DYNC1I1: variants seen among roughly 807,000 people sequenced by gnomAD.
DYNC1I1 encodes dynein cytoplasmic 1 intermediate chain 1, also known as cytoplasmic dynein 1 intermediate chain 1.
In DYNC1I1, 43 loss-of-function variants were observed where a neutral mutation model predicts 86.6. That is an observed-to-expected ratio of 0.50 (90% CI 0.39 to 0.64). The LOEUF (loss-of-function observed/expected upper bound fraction) is 0.64. Among genes scored for constraint, DYNC1I1 ranks in the 30% least tolerant of loss-of-function variants. The pLI is 0.00. For synonymous variants in DYNC1I1, 262 were observed against 283.7 expected (o/e 0.92, Z 0.77); for missense variants, 604 against 788.8 (o/e 0.77, Z 2.81).
At chr7:95,934,876 G>T (rs2116422038) in intron 6 of DYNC1I1, among the ~76,000 whole-genome samples, 1 of 151,572 alleles carries the variant, frequency 6.6e-6, no homozygotes, top group East Asian at 1.9e-4. Context: ...ATGACTTGTA[G>T]CATCTCAAAG....
intron 14 of DYNC1I1, among the ~76,000 whole-genome samples, chr7:96,061,694 C>CCT (rs1233157649): frequency 2.5e-4 from 35 of 138,762 alleles, no homozygotes; most frequent in South Asian, 1.8e-3. Flanking sequence ...TCCCTCCCTC[C>CCT]CTCTCTCTCT....
At chr7:95,911,482 A>G (rs1012002624) in intron 6 of DYNC1I1, among the ~76,000 whole-genome samples, 2 of 152,138 alleles carry the variant, frequency 1.3e-5, no homozygotes, top group African/African-American at 4.8e-5. Context: ...AGAAGAAGGA[A>G]AGCAAGGAGG....
chr7:96,085,229 C>T (rs1054771777), intron 16 of DYNC1I1, among the ~76,000 whole-genome samples: 4 of 152,156 alleles, frequency 2.6e-5, no homozygotes, highest in Admixed American at 1.3e-4. Context: ...TCCTCTATGA[C>T]TTTTAAGATG....
chr7:95,807,063 C>A (rs1794717702), intron 2 of DYNC1I1, among the ~76,000 whole-genome samples: 1 of 152,066 alleles, frequency 6.6e-6, no homozygotes, highest in Non-Finnish European at 1.5e-5. Context: ...TAGAAGATCC[C>A]AGAGCAGTAA....
intron 6 of DYNC1I1, among the ~76,000 whole-genome samples, chr7:95,924,867 A>C (rs1791701633): frequency 6.6e-6 from 1 of 152,186 alleles, no homozygotes; most frequent in African/African-American, 2.4e-5. Context: ...CCTAGTCAAA[A>C]GTGGGCTCTC....
chr7:95,776,418 A>G (rs1003793687), intron 1 of DYNC1I1, among the ~76,000 whole-genome samples: 1 of 152,190 alleles, frequency 6.6e-6, no homozygotes, highest in Non-Finnish European at 1.5e-5. Context: ...ACCCATAGAT[A>G]CTGTAAAAGG....
Position 96,098,002 on chromosome 7 carries a change from G to A in DYNC1I1, c.*409G>A, listed in dbSNP as rs1791067660. The A allele has an allele frequency of 2.6e-5, 26 of 993,914 alleles. No homozygotes were observed. Among genetic ancestry groups the A allele is most frequent in the Non-Finnish European group, 3.1e-5 (26 of 834,796 alleles). 61.6% of individuals were successfully genotyped at this position (993,914 alleles called of 1,614,324 possible). A position where few individuals can be genotyped will look rare whatever the true frequency, so the allele number is the denominator to read the frequency against. ...GGTGTTCCTCATATTATGGTACAGG[G>A]CCAAAGACTTGAGACGTGGTGTTTT... On this transcript the variant is annotated 3_prime_UTR_variant, in exon 17 of 17. Transcript: ENST00000447467.
intron 6 of DYNC1I1, among the ~76,000 whole-genome samples, chr7:95,877,244 T>A (rs956543731): frequency 5.9e-5 from 9 of 152,158 alleles, no homozygotes; most frequent in Non-Finnish European, 1.2e-4. Context: ...GGGGACTCCC[T>A]TTTTTCAGCC....
chr7:95,946,834 A>G (rs1792415378), intron 6 of DYNC1I1, among the ~76,000 whole-genome samples: 1 of 152,186 alleles, frequency 6.6e-6, no homozygotes, highest in African/African-American at 2.4e-5. Context: ...ATTGAAGACA[A>G]GTAGATACAG....
intron 6 of DYNC1I1, among the ~76,000 whole-genome samples, chr7:95,919,913 A>C (rs2116372803): frequency 6.6e-6 from 1 of 152,346 alleles, no homozygotes; most frequent in Non-Finnish European, 1.5e-5. Context: ...GTCCATAATA[A>C]AGTAAACGTA....
intron 6 of DYNC1I1, among the ~76,000 whole-genome samples, chr7:95,923,936 G>T (rs1017065002): frequency 6.6e-6 from 1 of 152,090 alleles, no homozygotes; most frequent in Middle Eastern, 3.2e-3. Flanking sequence ...TGACACCAAG[G>T]CATGGGAAGA....
intron 16 of DYNC1I1, among the ~76,000 whole-genome samples, chr7:96,081,947 T>C (rs759595018): frequency 4.6e-5 from 7 of 152,126 alleles, no homozygotes; most frequent in Admixed American, 1.3e-4. Context: ...TTACTGCATG[T>C]TATCTATTTC....
chr7:95,895,552 A>C (rs1053944977), intron 6 of DYNC1I1, among the ~76,000 whole-genome samples: 1 of 152,156 alleles, frequency 6.6e-6, no homozygotes, highest in Admixed American at 6.5e-5. Flanking sequence ...TGCACTGTAC[A>C]TTCATTAGCA....
At chr7:95,905,005 A>T (rs1164526447) in intron 6 of DYNC1I1, among the ~76,000 whole-genome samples, 4 of 152,300 alleles carry the variant, frequency 2.6e-5, no homozygotes, top group Non-Finnish European at 4.4e-5. Flanking sequence ...TCACAAGCTA[A>T]TTTCAGCCTG....
At chr7:95,813,421 G>A in intron 4 of DYNC1I1, 84 bp downstream of exon 4, 1 of 1,486,062 alleles carries the variant, frequency 6.7e-7, no homozygotes, top group Non-Finnish European at 9.0e-7. Context: ...TTAGAATACT[G>A]TGAAATGTGC....
At chr7:95,969,180 A>C (rs1022443877) in intron 6 of DYNC1I1, among the ~76,000 whole-genome samples, 2 of 152,168 alleles carry the variant, frequency 1.3e-5, no homozygotes, top group Non-Finnish European at 1.5e-5. Flanking sequence ...AGTTCATCCA[A>C]CTATTCTCTT....
intron 5 of DYNC1I1, among the ~76,000 whole-genome samples, chr7:95,840,786 G>A (rs1789260269): frequency 6.6e-6 from 1 of 152,116 alleles, no homozygotes; most frequent in Admixed American, 6.5e-5. Flanking sequence ...GTGGGCCCAG[G>A]GTACTAGAGT....
intron 7 of DYNC1I1, among the ~76,000 whole-genome samples, chr7:95,981,013 A>T (rs1793445684): frequency 6.6e-6 from 1 of 152,038 alleles, no homozygotes; most frequent in Non-Finnish European, 1.5e-5. Context: ...CATGGGTTTT[A>T]TTTTTTATCT....
chr7:95,894,631 G>C (rs1790830556), intron 6 of DYNC1I1, among the ~76,000 whole-genome samples: 1 of 152,096 alleles, frequency 6.6e-6, no homozygotes, highest in Admixed American at 6.6e-5. Flanking sequence ...ATTATAACTA[G>C]GCTCAAACAC....
Sources: gnomAD v4.1 joint callset for allele counts (sites outside exome capture counted in the v4.1 genomes callset) on GRCh38, gnomAD v4.1.1 for gene constraint, MANE v1.5 for transcripts, NCBI Gene and HGNC (gene_info 2026-07-23, HGNC 2026-07-21) for gene names.